The following DNAJC5 variants were observed in gnomAD, a reference collection of about 807,000 sequenced individuals.
The protein encoded by DNAJC5 is DnaJ heat shock protein family (Hsp40) member C5, also known as dnaJ homolog subfamily C member 5.
DNAJC5 carries 1 observed loss-of-function variant against 23.2 expected under a neutral mutation model. The observed-to-expected ratio is 0.04, with a 90% CI of 0.02 to 0.20. DNAJC5 has a LOEUF of 0.20. DNAJC5 is among the 10% of genes least tolerant of loss of function. DNAJC5 has a pLI of 1.00. For missense variants in DNAJC5, 180 were observed against 267.0 expected (o/e 0.67, Z 2.27); for synonymous variants, 136 against 120.0 (o/e 1.13, Z -0.87).
At chr20:63,918,740 G>A (rs1347101211) in intron 1 of DNAJC5, among the ~76,000 whole-genome samples, 3 of 152,074 alleles carry the variant, frequency 2.0e-5, no homozygotes, top group African/African-American at 7.2e-5. Context: ...GACTACAGGC[G>A]CCCACCACCA....
intron 1 of DNAJC5, among the ~76,000 whole-genome samples, chr20:63,899,007 A>T (rs1363099620): frequency 6.6e-6 from 1 of 152,168 alleles, no homozygotes; most frequent in African/African-American, 2.4e-5. Context: ...TGGCAGCAGA[A>T]TCTGTGCTAG....
At chr20:63,913,288 G>T (rs2146283258) in intron 1 of DNAJC5, among the ~76,000 whole-genome samples, 1 of 152,168 alleles carries the variant, frequency 6.6e-6, no homozygotes, top group Non-Finnish European at 1.5e-5. Flanking sequence ...CGCAGCACCT[G>T]TTGTCTCCTT....
chr20:63,913,548 T>C (rs2053497054), intron 1 of DNAJC5, among the ~76,000 whole-genome samples: 1 of 151,400 alleles, frequency 6.6e-6, no homozygotes, highest in Non-Finnish European at 1.5e-5. Flanking sequence ...AGGCGTGCAC[T>C]ACCATACCTG....
chr20:63,900,448 T>TG (rs2053404285), intron 1 of DNAJC5, among the ~76,000 whole-genome samples: 1 of 151,778 alleles, frequency 6.6e-6, no homozygotes, highest in African/African-American at 2.4e-5. Context: ...TATGGTGACA[T>TG]GCAGCTGTAG....
At chr20:63,918,889 C>T (rs960789154) in intron 1 of DNAJC5, among the ~76,000 whole-genome samples, 5 of 152,308 alleles carry the variant, frequency 3.3e-5, no homozygotes, top group Admixed American at 6.5e-5. Flanking sequence ...CCACCACGCC[C>T]GGCTGATATG....
intron 1 of DNAJC5, among the ~76,000 whole-genome samples, chr20:63,898,253 C>G (rs577143015): frequency 4.5e-4 from 68 of 152,274 alleles, no homozygotes; most frequent in Non-Finnish European, 7.9e-4. Flanking sequence ...GAATGAATGA[C>G]TAAAATGCAG....
At chr20:63,919,499 C>T (rs778967346) in intron 1 of DNAJC5, 15 of 429,462 alleles carry the variant, frequency 3.5e-5, no homozygotes, top group Non-Finnish European at 5.4e-5. Context: ...AGGACGCACC[C>T]GGCTGTGTGC....
chr20:63,926,237 A>G (rs919615776), intron 1 of DNAJC5, among the ~76,000 whole-genome samples: 118 of 152,130 alleles, frequency 7.8e-4, no homozygotes, highest in African/African-American at 2.7e-3. Flanking sequence ...ATATTTGTCC[A>G]TTTCATCTAA....
At chr20:63,901,960 A>G (rs2053415706) in intron 1 of DNAJC5, among the ~76,000 whole-genome samples, 1 of 152,124 alleles carries the variant, frequency 6.6e-6, no homozygotes. Context: ...AGCTGCTGCG[A>G]TAGGACTAGC....
Position 63,933,685 on chromosome 20 carries a change from T to C in DNAJC5, c.*2117T>C, listed in dbSNP as rs890448723. The C allele has an allele frequency of 7.9e-5, 12 of 152,368 alleles. No homozygotes were observed. The highest frequency in any genetic ancestry group is 2.9e-4 in the African/African-American group (12 of 41,462). 9.4% of individuals were successfully genotyped at this position (152,368 alleles called of 1,614,324 possible). A position where few individuals can be genotyped will look rare whatever the true frequency, so the allele number is the denominator to read the frequency against. ...TGGCTGTACTCAGCCTTTGCAATTT[T>C]TGTAGATGTAGCTTAGGACGTGAGT... On this transcript the variant is annotated 3_prime_UTR_variant, in exon 5 of 5. Transcript: ENST00000360864.
chr20:63,930,998 G>A lies in DNAJC5; in HGVS notation c.469G>A (p.Ala157Thr). The change falls in exon 4 of 5, where the codon GCA becomes ACA. Residue 157 changes from alanine (A) to threonine (T), a missense_variant. Ala to Thr is a moderately conservative substitution (Grantham distance 58, BLOSUM62 0). Around this residue, in one of 3 missense-constraint regions of DNAJC5, gnomAD observed 97 missense variants for 123.4 expected, o/e 0.79. Transcript: ENST00000360864. ...EFYVSPEDLE[A>T]QLQSDEREAT... ...CTACGTGTCCCCCGAGGATCTGGAG[G>A]CACAGCTGCAGTCTGACGAGAGGGG... is the stretch of plus-strand genomic sequence containing the variant. The A allele has an allele frequency of 6.2e-7, 1 of 1,614,086 alleles. No individual in the cohort carries two copies. The highest frequency in any genetic ancestry group is 8.5e-7 in the Non-Finnish European group (1 of 1,180,044).
rs998338342 is a variant in DNAJC5 at position 63,920,440 on chromosome 20, G to C, written c.-11-7895G>C. On this transcript the variant is annotated intron_variant, in intron 1 of 4. Coordinates refer to ENST00000360864, the MANE Select transcript of DNAJC5 (RefSeq NM_025219.3). The surrounding 1 kb of genome is among the most constrained non-coding windows in gnomAD (Gnocchi z 4.6). ...GTCTGGTGGGGATGCCCGCCATGCG[G>C]GGGCCTCAGGCTACAGCCAGGGCTG... Among the ~76,000 whole-genome samples, 3 of 152,228 alleles carry C rather than the reference G, an allele frequency of 2.0e-5. No individual in the cohort carries two copies. Among genetic ancestry groups the C allele is most frequent in the Non-Finnish European group, 4.4e-5 (3 of 68,034 alleles).
intron 1 of DNAJC5, among the ~76,000 whole-genome samples, chr20:63,897,676 G>A (rs922507086): frequency 6.6e-6 from 1 of 152,154 alleles, no homozygotes; most frequent in Admixed American, 6.5e-5. Context: ...CTTATACTCC[G>A]TCGTGACATT....
At chr20:63,927,545 C>T (rs966210650) in intron 1 of DNAJC5, among the ~76,000 whole-genome samples, 1 of 133,242 alleles carries the variant, frequency 7.5e-6, no homozygotes, top group Non-Finnish European at 1.7e-5. Flanking sequence ...TCCCCCCCCC[C>T]AAAAAAGAAA....
chr20:63,920,436 T>C lies in DNAJC5; in HGVS notation c.-11-7899T>C, dbSNP rs561924427. 1.3e-4 allele frequency among the ~76,000 whole-genome samples: 19 copies of C among 151,974 alleles called. 1 individual carries two copies. Among genetic ancestry groups the C allele is most frequent in the Non-Finnish European group, 1.6e-4 (11 of 68,000 alleles). ...CAACGTCTGGTGGGGATGCCCGCCATGCGGGGGCCTCAGGCTACAGCCAGG... is the reference window on the plus strand; with the variant it reads ...CAACGTCTGGTGGGGATGCCCGCCACGCGGGGGCCTCAGGCTACAGCCAGG... On this transcript the variant is annotated intron_variant, in intron 1 of 4. Transcript: ENST00000360864. This position sits in a 1 kb window ranked among gnomAD's most constrained non-coding sequence, Gnocchi z 4.6.
intron 1 of DNAJC5, among the ~76,000 whole-genome samples, chr20:63,902,039 C>CT (rs1361222626): frequency 6.6e-6 from 1 of 151,758 alleles, no homozygotes; most frequent in African/African-American, 2.4e-5. Context: ...TTGATGTGTT[C>CT]TTTAAAATAA....
chr20:63,912,876 G>C (rs554320230), intron 1 of DNAJC5, among the ~76,000 whole-genome samples: 1 of 152,232 alleles, frequency 6.6e-6, no homozygotes, highest in Admixed American at 6.5e-5. Flanking sequence ...CAAAGTGCTG[G>C]GATGACAGGT....
intron 1 of DNAJC5, among the ~76,000 whole-genome samples, chr20:63,917,595 G>A (rs937294873): frequency 4.6e-5 from 7 of 151,260 alleles, no homozygotes; most frequent in South Asian, 2.1e-4. Context: ...TTGCTCTGTC[G>A]CCCAGGCTGG....
At chr20:63,923,147 GAAAA>G (rs1012088690) in intron 1 of DNAJC5, among the ~76,000 whole-genome samples, 2 of 135,896 alleles carry the variant, frequency 1.5e-5, no homozygotes, top group Admixed American at 7.3e-5. Flanking sequence ...TCTCAAAAAA[GAAAA>G]AAAAAAGAAT....
Sources: allele counts gnomAD v4.1 joint callset (sites outside exome capture counted in the v4.1 genomes callset), GRCh38; gene constraint gnomAD v4.1.1; regional missense constraint gnomAD v4.1.1; non-coding constraint Gnocchi (gnomAD v3.1); transcripts MANE v1.5; gene names NCBI Gene and HGNC (gene_info 2026-07-23, HGNC 2026-07-21).